The following CDH22 variants were observed in gnomAD, a reference collection of about 807,000 sequenced individuals.
CDH22 encodes cadherin-22.
CDH22 carries 30 observed loss-of-function variants against 58.4 expected under a neutral mutation model. The observed-to-expected ratio is 0.51, with a 90% CI of 0.38 to 0.70. The LOEUF (loss-of-function observed/expected upper bound fraction) is 0.70, where lower values mean the gene tolerates loss of function less well. Among genes scored for constraint, CDH22 ranks in the 30% least tolerant of loss-of-function variants. CDH22 has a pLI of 0.00. For missense variants in CDH22, 1,014 were observed against 1,233.9 expected, an observed-to-expected ratio of 0.82 and a Z score of 2.67; for synonymous variants, 513 against 558.2, an observed-to-expected ratio of 0.92 and a Z score of 1.14.
chr20:46,194,878 C>A (rs1329864705), intron 8 of CDH22, among the ~76,000 whole-genome samples: 1 of 152,110 alleles, frequency 6.6e-6, no homozygotes, highest in African/African-American at 2.4e-5. Flanking sequence ...TACAGGTGCC[C>A]ACCACCACAC....
intron 6 of CDH22, among the ~76,000 whole-genome samples, chr20:46,211,096 G>C (rs957475200): frequency 6.6e-6 from 1 of 152,176 alleles, no homozygotes; most frequent in African/African-American, 2.4e-5. Flanking sequence ...CCGATAAGCC[G>C]GGCTGCCTTA....
Position 46,226,258 on chromosome 20 carries a change from TCTTCTTCTTCTTCTTCTTCTTCTTCTTC to T in CDH22, c.670+1222_670+1249del, listed in dbSNP as rs1334661788. ...TTCTTCTTCTTCTTCTTCTTCTTCT[TCTTCTTCTTCTTCTTCTTCTTCTTCTTC>T]TTCTTCTTTTTTTTTTTGAGACAGG... On this transcript the variant is annotated intron_variant, in intron 4 of 11. Transcript: ENST00000537909. Among the ~76,000 whole-genome samples the T allele has an allele frequency of 8.7e-3, 655 of 75,098 alleles. 78 individuals are homozygous for T. The highest frequency in any genetic ancestry group is 0.014 in the African/African-American group (352 of 25,520). 49.3% of individuals were successfully genotyped at this position (75,098 alleles called of 152,430 possible).
chr20:46,187,759 A>T (rs1299497218), intron 8 of CDH22, among the ~76,000 whole-genome samples: 2 of 150,838 alleles, frequency 1.3e-5, no homozygotes, highest in Non-Finnish European at 3.0e-5. Context: ...TGCCATCCCC[A>T]CCCCCTCACC....
intron 1 of CDH22, among the ~76,000 whole-genome samples, chr20:46,289,499 C>T (rs145986744): frequency 6.6e-6 from 1 of 152,170 alleles, no homozygotes; most frequent in South Asian, 2.1e-4. Flanking sequence ...TTGAATGACT[C>T]GCATAGTTTT....
In CDH22 at chr20:46,201,690, A is replaced by G. The variant is rs117602422; in HGVS notation, c.1287-2131T>C. On this transcript the variant is annotated intron_variant, in intron 7 of 11. Transcript: ENST00000537909. ...TGGCAAACTATAAAGGGATGTGCCT[A>G]TGGGTGTAGTGGGCATTATAAGCCG... Among the ~76,000 whole-genome samples, 508 of 152,282 alleles carry G rather than the reference A, an allele frequency of 3.3e-3. 2 individuals carry two copies. The highest frequency in any genetic ancestry group is 8.9e-3 in the Admixed American group (136 of 15,312).
rs545050798 is a variant in CDH22 at position 46,276,013 on chromosome 20, G to A, written c.-399-24320C>T. 1.1e-4 allele frequency among the ~76,000 whole-genome samples: 17 copies of A among 152,280 alleles called. No homozygotes were observed. The South Asian group carries it at 3.5e-3, about 32-fold the overall frequency. On this transcript the variant is annotated intron_variant, in intron 1 of 11. Transcript: ENST00000537909. ...AGCACATATGATGGCCCAGAGGTCA[G>A]GGAGAAAGTGTGTCATCCTGTTTGG... is the stretch of plus-strand genomic sequence containing the variant.
At chr20:46,212,875 C>T (rs2086053667) in intron 6 of CDH22, 120 bp downstream of exon 6, 5 of 811,446 alleles carry the variant, frequency 6.2e-6, no homozygotes, top group Non-Finnish European at 1.0e-5. Flanking sequence ...TGGTCCTGGA[C>T]CTCTAGAGAG....
chr20:46,201,248 A>G (rs1271566362), intron 7 of CDH22, among the ~76,000 whole-genome samples: 1 of 152,216 alleles, frequency 6.6e-6, no homozygotes, highest in Non-Finnish European at 1.5e-5. Flanking sequence ...GCCCCTGCGC[A>G]GCCACCCGGC....
intron 8 of CDH22, among the ~76,000 whole-genome samples, chr20:46,196,291 T>G (rs979236307): frequency 6.6e-6 from 1 of 152,060 alleles, no homozygotes; most frequent in South Asian, 2.1e-4. Context: ...GCTTTTTTTT[T>G]TTGAGACAGA....
chr20:46,264,051 G>A (rs185271431), intron 1 of CDH22, among the ~76,000 whole-genome samples: 118 of 152,258 alleles, frequency 7.7e-4, no homozygotes, highest in South Asian at 1.7e-3. Context: ...ATCAGATGTA[G>A]CGGACGAGGG....
chr20:46,301,817 T>C (rs1461496918), intron 1 of CDH22, among the ~76,000 whole-genome samples: 1 of 152,026 alleles, frequency 6.6e-6, no homozygotes, highest in African/African-American at 2.4e-5. Flanking sequence ...GTCTCAAATA[T>C]ATATATAGTA....
intron 1 of CDH22, among the ~76,000 whole-genome samples, chr20:46,284,853 G>C (rs1315857167): frequency 1.3e-5 from 2 of 152,170 alleles, no homozygotes; most frequent in African/African-American, 2.4e-5. Context: ...CTCCTGCCGA[G>C]ATAGTGCAGC....
At chr20:46,304,884 C>T (rs2086667483) in intron 1 of CDH22, among the ~76,000 whole-genome samples, 1 of 152,292 alleles carries the variant, frequency 6.6e-6, no homozygotes, top group Admixed American at 6.5e-5. Context: ...TATATGAAGC[C>T]TTTTTGCAAA....
At chr20:46,262,734 G>A (rs1203893379) in intron 1 of CDH22, among the ~76,000 whole-genome samples, 1 of 152,122 alleles carries the variant, frequency 6.6e-6, no homozygotes, top group Non-Finnish European at 1.5e-5. Flanking sequence ...ACTCTGATCT[G>A]CCAGCTCCAA....
Position 46,184,135 on chromosome 20 carries a change from G to C in CDH22, c.1663+2453C>G, listed in dbSNP as rs6017753. ...TTTTTTTAGATGGAGTTTCGCTCTT[G>C]TTGCCCGGGCTGGAGGGCAATGGTG... is the stretch of plus-strand genomic sequence containing the variant. On this transcript the variant is annotated intron_variant, in intron 10 of 11. Coordinates refer to ENST00000537909, the MANE Select transcript of CDH22 (RefSeq NM_021248.3). Among the ~76,000 whole-genome samples the C allele has an allele frequency of 3.7e-3, 549 of 148,324 alleles. 11 individuals carry two copies. The highest frequency in any genetic ancestry group is 0.013 in the African/African-American group (512 of 40,000).
At chr20:46,202,152 G>A (rs1253675019) in intron 7 of CDH22, among the ~76,000 whole-genome samples, 1 of 152,062 alleles carries the variant, frequency 6.6e-6, no homozygotes, top group Non-Finnish European at 1.5e-5. Flanking sequence ...GGCCGAAGTG[G>A]GGAAGCAGGG....
At chr20:46,246,801 C>T (rs1033047563) in intron 2 of CDH22, among the ~76,000 whole-genome samples, 28 of 152,102 alleles carry the variant, frequency 1.8e-4, no homozygotes, top group Non-Finnish European at 2.5e-4. Context: ...TCGACAAGGA[C>T]GGATGCTCCG....
chr20:46,238,541 C>T (rs148162168), intron 3 of CDH22, among the ~76,000 whole-genome samples: 1 of 152,344 alleles, frequency 6.6e-6, no homozygotes, highest in African/African-American at 2.4e-5. Context: ...TCTAACTTAA[C>T]AAACTTCACG....
intron 3 of CDH22, among the ~76,000 whole-genome samples, chr20:46,240,434 G>C (rs1172567161): frequency 2.0e-5 from 3 of 152,062 alleles, no homozygotes; most frequent in Non-Finnish European, 4.4e-5. Flanking sequence ...CCTGAAGATG[G>C]GACTATGTCT....
Sources: gnomAD v4.1 joint callset for allele counts (sites outside exome capture counted in the v4.1 genomes callset) on GRCh38, gnomAD v4.1.1 for gene constraint, MANE v1.5 for transcripts, NCBI Gene and HGNC (gene_info 2026-07-23, HGNC 2026-07-21) for gene names.